RNASEH1: variants seen among roughly 807,000 people sequenced by gnomAD.
RNASEH1 encodes the protein ribonuclease H type II.
A neutral mutation model predicts 34.6 loss-of-function variants in RNASEH1; 27 were observed. The ratio of observed to expected loss-of-function variants is 0.78; its 90% confidence interval spans 0.58 to 1.08. RNASEH1 has a LOEUF of 1.08. RNASEH1 is among the 50% of genes least tolerant of loss of function. The pLI is 0.00. For missense variants in RNASEH1, 349 were observed against 373.6 expected (o/e 0.93, Z 0.54); for synonymous variants, 162 against 138.4 (o/e 1.17, Z -1.20).
Position 3,557,858 on chromosome 2 carries a change from G to T in RNASEH1, c.128+275C>A, listed in dbSNP as rs866657569. On this transcript the variant is annotated intron_variant, in intron 1 of 7. Coordinates refer to ENST00000315212, the MANE Select transcript of RNASEH1 (RefSeq NM_002936.6). ...TTGCACTTTAACTGCAACAAAGATG[G>T]AGGATTAAACACAGGGTTTATTAGG... The T allele has an allele frequency of 2.1e-6, 3 of 1,450,952 alleles. No homozygotes were observed. The African/African-American group carries it at 4.2e-5, about 21-fold the overall frequency. The allele number at this position is 1,450,952 out of a possible 1,614,324, so 89.9% of individuals were successfully genotyped here. A position where few individuals can be genotyped will look rare whatever the true frequency, so the allele number is the denominator to read the frequency against.
downstream of RNASEH1, among the ~76,000 whole-genome samples, chr2:3,539,400 A>C (rs756981388): frequency 1.3e-3 from 193 of 152,106 alleles, 4 homozygotes; most frequent in Non-Finnish European, 2.8e-4. Context: ...AAAGAATCTT[A>C]ATTTGGGGGC....
intron 2 of RNASEH1, among the ~76,000 whole-genome samples, chr2:3,556,581 G>A (rs1342331693): frequency 6.6e-6 from 1 of 152,164 alleles, no homozygotes; most frequent in East Asian, 1.9e-4. Flanking sequence ...TGGAACAGGA[G>A]AGCTGAGTCC....
rs2103305306 is a variant in RNASEH1, at chr2:3,545,408, T to TCA, written c.*375_*376dup. 4.6e-6 allele frequency: 1 copy of TCA among 218,126 alleles called. No individual in the cohort carries two copies. Among genetic ancestry groups the TCA allele is most frequent in the East Asian group, 1.1e-4 (1 of 9,492 alleles). 13.5% of individuals were successfully genotyped at this position (218,126 alleles called of 1,614,324 possible). ...TCAACTGGACGGTAAATGGATGCTTTCAGAATACTTCCAGACTTCTGAGTT... is the reference window on the plus strand; with the variant it reads ...TCAACTGGACGGTAAATGGATGCTTTCACAGAATACTTCCAGACTTCTGAGTT... On this transcript the variant is annotated 3_prime_UTR_variant, in exon 8 of 8. Transcript: ENST00000315212.
downstream of RNASEH1, among the ~76,000 whole-genome samples, chr2:3,540,353 A>T (rs954371114): frequency 2.6e-5 from 4 of 151,728 alleles, no homozygotes; most frequent in African/African-American, 4.8e-5. Flanking sequence ...CCTCTTTAAA[A>T]GTGGTTGGAC....
intron 2 of RNASEH1, among the ~76,000 whole-genome samples, chr2:3,555,066 T>A (rs1482394736): frequency 1.3e-5 from 2 of 152,118 alleles, no homozygotes; most frequent in African/African-American, 2.4e-5. Context: ...CAAATAACAA[T>A]GTTATGTTGA....
Position 3,556,760 on chromosome 2 carries a change from A to T in RNASEH1, c.244+29T>A, listed in dbSNP as rs569860306. ...ATATGAAAGCCTTTGAATAGGTTAA[A>T]ATGTCACACTGATATGAGAGGTGAC... On this transcript the variant is annotated intron_variant, in intron 2 of 7. Transcript: ENST00000315212. The T allele has an allele frequency of 1.3e-5, 20 of 1,485,204 alleles. 1 individual carries two copies. In the South Asian group the frequency reaches 2.0e-4, roughly 15 times the overall value. 92.0% of individuals were successfully genotyped at this position (1,485,204 alleles called of 1,614,324 possible). A position where few individuals can be genotyped will look rare whatever the true frequency, so the allele number is the denominator to read the frequency against.
Position 3,548,067 on chromosome 2 carries a change from C to T in RNASEH1, c.650-12G>A. 1.9e-6 allele frequency: 3 copies of T among 1,613,868 alleles called. No homozygotes were observed. Among genetic ancestry groups the T allele is most frequent in the Non-Finnish European group, 1.7e-6 (2 of 1,179,828 alleles). On this transcript the variant is annotated splice_polypyrimidine_tract_variant and intron_variant, in intron 6 of 7. Coordinates refer to ENST00000315212, the MANE Select transcript of RNASEH1 (RefSeq NM_002936.6). ...CCAGTTAGTTATACCTACAAAAATG[C>T]ACGATCACTGGTGAGTCAATCTTGA...
intron 2 of RNASEH1, among the ~76,000 whole-genome samples, chr2:3,553,806 C>G (rs1489201035): frequency 6.6e-6 from 1 of 152,208 alleles, no homozygotes; most frequent in Non-Finnish European, 1.5e-5. Flanking sequence ...ACTCAAAAAA[C>G]CAGTTTCAAT....
At chr2:3,539,384 A>G (rs377436301), downstream of RNASEH1, among the ~76,000 whole-genome samples, 62 of 152,280 alleles carry the variant, frequency 4.1e-4, 2 homozygotes, top group African/African-American at 1.3e-3. Context: ...GGCTTCCCGT[A>G]TCACCAAAGA....
In RNASEH1 at chr2:3,545,544, C is replaced by T; in HGVS notation, c.*241G>A. ...AAACAAGCAAGGACAGTATTGAACC[C>T]AGTAAACATAATGTGGAAATCTCAC... On this transcript the variant is annotated 3_prime_UTR_variant, in exon 8 of 8. Coordinates refer to ENST00000315212, the MANE Select transcript of RNASEH1 (RefSeq NM_002936.6). 1 of 541,308 alleles carries T rather than the reference C, an allele frequency of 1.8e-6. No homozygotes were observed. Among genetic ancestry groups the T allele is most frequent in the Non-Finnish European group, 3.3e-6 (1 of 302,430 alleles). The allele number at this position is 541,308 out of a possible 1,614,324, so 33.5% of individuals were successfully genotyped here.
chr2:3,551,969 T>A (rs1176995358), intron 3 of RNASEH1, among the ~76,000 whole-genome samples, 175 bp downstream of exon 3: 1 of 152,256 alleles, frequency 6.6e-6, no homozygotes, highest in African/African-American at 2.4e-5. Flanking sequence ...AAAAGTTTAA[T>A]TCTGCACTAC....
At chr2:3,554,704 A>G (rs1660317304) in intron 2 of RNASEH1, among the ~76,000 whole-genome samples, 1 of 152,258 alleles carries the variant, frequency 6.6e-6, no homozygotes, top group Non-Finnish European at 1.5e-5. Context: ...TTATATTGGA[A>G]GACTTGAGAT....
chr2:3,552,110 G>A (rs7563960), intron 3 of RNASEH1, 34 bp downstream of exon 3: 1 of 1,569,980 alleles, frequency 6.4e-7, no homozygotes, highest in South Asian at 1.2e-5. Flanking sequence ...TCCTGACTGT[G>A]GTATTAAAAT....
intron 3 of RNASEH1, among the ~76,000 whole-genome samples, chr2:3,550,929 T>A (rs972369903): frequency 6.6e-6 from 1 of 152,222 alleles, no homozygotes; most frequent in African/African-American, 2.4e-5. Flanking sequence ...GCATATTTGC[T>A]GCTAGTTAAG....
At chr2:3,557,527 G>A (rs1429725695) in intron 1 of RNASEH1, 2 of 232,932 alleles carry the variant, frequency 8.6e-6, no homozygotes, top group African/African-American at 2.4e-5. Context: ...GGGAAACACA[G>A]GTAACGAACT....
chr2:3,557,805 G>A (rs996660056), intron 1 of RNASEH1: 9 of 1,152,022 alleles, frequency 7.8e-6, no homozygotes, highest in Middle Eastern at 2.2e-4. Flanking sequence ...GGTAACGGGG[G>A]TTCGTTCTGA....
chr2:3,558,278 G>C lies in RNASEH1; in HGVS notation c.-18C>G, dbSNP rs368933743. 1 of 1,545,990 alleles carries C rather than the reference G, an allele frequency of 6.5e-7. No individual in the cohort carries two copies. Among genetic ancestry groups the C allele is most frequent in the Non-Finnish European group, 8.7e-7 (1 of 1,150,596 alleles). On this transcript the variant is annotated 5_prime_UTR_variant, in exon 1 of 8. Coordinates refer to ENST00000315212, the MANE Select transcript of RNASEH1 (RefSeq NM_002936.6). The stretch of plus-strand genomic sequence containing the variant: ...CAGCTCATCGCTCACTCCCGGCACC[G>C]GGAAGCATTTCGACTCCCGGCCCAG...
chr2:3,558,142 A>G lies in RNASEH1; in HGVS notation c.119T>C (p.Phe40Ser). The G allele has an allele frequency of 6.3e-7, 1 of 1,599,590 alleles. No homozygotes were observed. The highest frequency in any genetic ancestry group is 8.5e-7 in the Non-Finnish European group (1 of 1,175,028). The change falls in exon 1 of 8, where the codon TTT becomes TCT. Residue 40 changes from phenylalanine to serine, a missense_variant. By Grantham distance (155) the Phe-to-Ser change is radical (BLOSUM62 -2). Transcript: ENST00000315212. ...CGGGCGGGCCACTCACCAGGTCAGA[A>G]AGACCCCGGTCTTGCGGCCCCTCCT... Reference protein sequence around the residue: ...AVRRGRKTGVFLTWNECRAQV... With the variant: ...AVRRGRKTGVSLTWNECRAQV...
intron 1 of RNASEH1, chr2:3,557,653 A>G: frequency 2.6e-6 from 1 of 385,584 alleles, no homozygotes; most frequent in Non-Finnish European, 5.3e-6. Context: ...CTATACCTGA[A>G]AGTGAGAATA....
Sources: allele counts gnomAD v4.1 joint callset (sites outside exome capture counted in the v4.1 genomes callset), GRCh38; gene constraint gnomAD v4.1.1; transcripts MANE v1.5; gene names NCBI Gene and HGNC (gene_info 2026-07-23, HGNC 2026-07-21).